Variants in CEP192 observed in about 807,000 individuals in gnomAD.
CEP192 encodes centrosomal protein 192, also known as centrosomal protein of 192 kDa.
CEP192 carries 151 observed loss-of-function variants against 271.8 expected under a neutral mutation model. The ratio of observed to expected loss-of-function variants is 0.56; its 90% CI spans 0.49 to 0.64. CEP192 has a LOEUF of 0.64. CEP192 is among the 30% of genes least tolerant of loss of function. The pLI is 0.00. For missense variants in CEP192, 2,910 were observed against 3,020.5 expected, an observed-to-expected ratio of 0.96 and a Z score of 0.86; for synonymous variants, 995 against 1,076.5, an observed-to-expected ratio of 0.92 and a Z score of 1.48.
intron 35 of CEP192, 111 bp downstream of exon 35, chr18:13,095,792 G>A (rs879307701): frequency 4.6e-5 from 43 of 945,030 alleles, no homozygotes; most frequent in Non-Finnish European, 6.3e-5. Flanking sequence ...ACATTGAGCT[G>A]TGACTTGCCC....
In CEP192 at chr18:13,124,694, C is replaced by G. The variant is rs200706653; in HGVS notation, c.7538C>G (p.Ala2513Gly). 1.2e-6 allele frequency: 2 copies of G among 1,613,884 alleles called. No individual in the cohort carries two copies. The highest frequency in any genetic ancestry group is 2.2e-5 in the South Asian group (2 of 91,090). The part of the protein sequence containing the change: ...FKPKSAGKFE[A>G]LLVIQTDEGK... The stretch of plus-strand genomic sequence containing the variant: ...CCGAAGTCCGCAGGCAAATTTGAAG[C>G]TTTGCTTGTCATTCAAACAGATGAA... Residue 2513 changes from alanine to glycine, a missense_variant, in exon 45 of 45, where the codon GCT becomes GGT. By Grantham distance (60) the Ala-to-Gly change is moderately conservative (BLOSUM62 0). Coordinates refer to ENST00000506447, the MANE Select transcript of CEP192 (RefSeq NM_032142.4).
intron 4 of CEP192, among the ~76,000 whole-genome samples, chr18:13,010,486 GA>G (rs1026580300): frequency 1.1e-4 from 17 of 151,872 alleles, no homozygotes; most frequent in African/African-American, 4.1e-4. Context: ...AGCAATAAAA[GA>G]AAAAAATAGA....
intron 30 of CEP192, among the ~76,000 whole-genome samples, chr18:13,084,374 C>A (rs948619704): frequency 1.3e-5 from 2 of 151,328 alleles, no homozygotes; most frequent in African/African-American, 4.9e-5. Flanking sequence ...ACAGGTGGAT[C>A]TCAGACTGCT....
intron 9 of CEP192, among the ~76,000 whole-genome samples, chr18:13,024,992 G>A (rs1167060125): frequency 1.3e-5 from 2 of 150,572 alleles, no homozygotes; most frequent in African/African-American, 2.4e-5. Context: ...GGCTGGTCTC[G>A]AACTCCTGAC....
intron 7 of CEP192, among the ~76,000 whole-genome samples, chr18:13,017,708 GA>G (rs2034738071): frequency 6.6e-6 from 1 of 152,114 alleles, no homozygotes; most frequent in Admixed American, 6.5e-5. Context: ...ATCTTTTGTA[GA>G]TAAGGACATT....
At chr18:13,012,513 T>TA (rs2034421916) in intron 4 of CEP192, among the ~76,000 whole-genome samples, 1 of 152,206 alleles carries the variant, frequency 6.6e-6, no homozygotes, top group Non-Finnish European at 1.5e-5. Context: ...ATTCTTTTTT[T>TA]ATTATCTGAT....
rs746766032 is a variant in CEP192, at chr18:13,055,909, A to G, written c.3319A>G (p.Ile1107Val). Reference protein sequence around the residue: ...QNRGKGTLSSIIQNNSDTRKA... With the variant: ...QNRGKGTLSSVIQNNSDTRKA... ...TAGAGGAAAAGGAACATTATCATCT[A>G]TTATCCAGAATAACTCTGATACAAG... The change falls in exon 19 of 45, where the codon ATT (isoleucine) becomes GTT (valine). Residue 1107 changes from isoleucine (I) to valine (V), a missense_variant. Ile to Val is a conservative substitution (Grantham distance 29). Coordinates refer to ENST00000506447, the MANE Select transcript of CEP192 (RefSeq NM_032142.4). 2.8e-5 allele frequency: 45 copies of G among 1,614,046 alleles called. No homozygotes were observed. Among genetic ancestry groups the G allele is most frequent in the East Asian group, 8.9e-5 (4 of 44,906 alleles).
chr18:13,012,756 A>G (rs936345149), intron 4 of CEP192, among the ~76,000 whole-genome samples: 4 of 152,202 alleles, frequency 2.6e-5, no homozygotes, highest in African/African-American at 9.6e-5. Flanking sequence ...TCTTGATTAG[A>G]TACATATTCA....
intron 3 of CEP192, among the ~76,000 whole-genome samples, chr18:13,004,397 G>C (rs1429207973): frequency 6.6e-6 from 1 of 152,092 alleles, no homozygotes; most frequent in Non-Finnish European, 1.5e-5. Flanking sequence ...AAAGGGAAGA[G>C]AATTGCTGCA....
intron 30 of CEP192, among the ~76,000 whole-genome samples, chr18:13,078,733 C>G (rs961478620): frequency 1.3e-5 from 2 of 152,050 alleles, no homozygotes; most frequent in African/African-American, 2.4e-5. Flanking sequence ...TTACTGCACC[C>G]ATTAACTCGT....
chr18:13,021,242 A>C (rs1384441024), intron 9 of CEP192, among the ~76,000 whole-genome samples: 1 of 152,222 alleles, frequency 6.6e-6, no homozygotes, highest in East Asian at 1.9e-4. Flanking sequence ...AAAAGAAAAA[A>C]GGGAAAAAGA....
intron 3 of CEP192, 117 bp from the exon 4 acceptor site, chr18:13,008,339 T>C: frequency 1.4e-6 from 1 of 719,114 alleles, no homozygotes; most frequent in Non-Finnish European, 2.3e-6. Flanking sequence ...ATGTTTCTTT[T>C]TATTGCTTCC....
rs2035515106 is a variant in CEP192 at position 13,029,827 on chromosome 18, C to T, written c.1215C>T (p.His405=). The change falls in exon 10 of 45, where the codon CAC becomes CAT. Residue 405 remains histidine (H), a synonymous_variant. Coordinates refer to ENST00000506447, the MANE Select transcript of CEP192 (RefSeq NM_032142.4). The part of the protein sequence containing the change: ...ECPHQNKTVL[H]MDGCLDTETP... Reference sequence around the variant, plus strand: ...CTCACCAAAATAAGACAGTTTTGCACATGGATGGATGTTTAGACACTGAGA... The same window carrying T: ...CTCACCAAAATAAGACAGTTTTGCATATGGATGGATGTTTAGACACTGAGA... 1 of 1,551,676 alleles carries T rather than the reference C, an allele frequency of 6.4e-7. No individual in the cohort carries two copies. Among genetic ancestry groups the T allele is most frequent in the African/African-American group, 1.4e-5 (1 of 73,176 alleles).
At chr18:13,122,605 A>T (rs1038607244) in intron 44 of CEP192, among the ~76,000 whole-genome samples, 1 of 152,052 alleles carries the variant, frequency 6.6e-6, no homozygotes, top group African/African-American at 2.4e-5. Context: ...TTTGAAAGGA[A>T]GGAAGGAAGT....
intron 36 of CEP192, among the ~76,000 whole-genome samples, chr18:13,096,674 G>A (rs1234981535): frequency 6.6e-6 from 1 of 152,208 alleles, no homozygotes; most frequent in Non-Finnish European, 1.5e-5. Flanking sequence ...TGTGTCCCGA[G>A]CCCAAACACT....
rs1275751037 is a variant in CEP192 at position 13,068,833 on chromosome 18, A to G, written c.4823-19A>G. On this transcript the variant is annotated intron_variant, in intron 24 of 44. Coordinates refer to ENST00000506447, the MANE Select transcript of CEP192 (RefSeq NM_032142.4). ...ATAACTCTCTGGTCTCCAAGCTAAA[A>G]GAATGAACTTTTTTTTAGATATTCT... is the stretch of plus-strand genomic sequence containing the variant. 2 of 1,614,058 alleles carry G rather than the reference A, an allele frequency of 1.2e-6. No individual in the cohort carries two copies. Among genetic ancestry groups the G allele is most frequent in the African/African-American group, 2.7e-5 (2 of 74,934 alleles).
intron 15 of CEP192, among the ~76,000 whole-genome samples, chr18:13,046,178 G>A (rs28654613): frequency 0.3 from 44,920 of 151,974 alleles, 6,960 homozygotes; most frequent in Admixed American, 0.38. Context: ...GCGGGAGCAG[G>A]CATGTCACAT....
At chr18:13,059,840 G>A (rs2037312283) in intron 21 of CEP192, among the ~76,000 whole-genome samples, 1 of 152,138 alleles carries the variant, frequency 6.6e-6, no homozygotes, top group Admixed American at 6.5e-5. Flanking sequence ...CACTTAGACT[G>A]ACTAAATCAG....
intron 9 of CEP192, among the ~76,000 whole-genome samples, chr18:13,020,141 C>G (rs941776929): frequency 6.6e-6 from 1 of 152,112 alleles, no homozygotes; most frequent in African/African-American, 2.4e-5. Context: ...GTGTACAGTT[C>G]AATAATGTTA....
Sources: gnomAD v4.1 joint callset for allele counts (sites outside exome capture counted in the v4.1 genomes callset) on GRCh38, gnomAD v4.1.1 for gene constraint, MANE v1.5 for transcripts, NCBI Gene and HGNC (gene_info 2026-07-23, HGNC 2026-07-21) for gene names.